SV2C: variants seen among roughly 807,000 people sequenced by gnomAD.
SV2C encodes solute carrier family 22 member B3.
SV2C carries 49 observed loss-of-function variants against 79.7 expected under a neutral mutation model. The ratio of observed to expected loss-of-function variants is 0.61; its 90% CI spans 0.49 to 0.78. SV2C has a LOEUF of 0.78. Ranked by LOEUF, SV2C falls within the 30% of genes least tolerant of loss-of-function variation. The pLI, the probability that SV2C is intolerant of heterozygous loss-of-function variation, is 0.00. For missense variants in SV2C, 833 were observed against 912.9 expected, an observed-to-expected ratio of 0.91 and a Z score of 1.13; for synonymous variants, 334 against 333.2, an observed-to-expected ratio of 1.00 and a Z score of -0.03.
the SV2C span, among the ~76,000 whole-genome samples, chr5:75,902,331 T>G: frequency 2.0e-5 from 3 of 152,164 alleles, no homozygotes. Context: ...ACATAGGAAA[T>G]CTTATGTCCC....
intron 1 of SV2C, among the ~76,000 whole-genome samples, chr5:76,092,244 C>T (rs1747401370): frequency 6.6e-6 from 1 of 152,100 alleles, no homozygotes. Flanking sequence ...CAACAATAAG[C>T]ACACATGACT....
At chr5:76,201,992 G>C (rs1311014857) in intron 3 of SV2C, among the ~76,000 whole-genome samples, 3 of 146,392 alleles carry the variant, frequency 2.0e-5, no homozygotes, top group African/African-American at 7.6e-5. Context: ...CTCCAGCCTG[G>C]GCGACAGAGC....
At chr5:75,922,932 A>G in the SV2C span, among the ~76,000 whole-genome samples, 2 of 152,156 alleles carry the variant, frequency 1.3e-5, no homozygotes, top group Non-Finnish European at 2.9e-5. Context: ...ACAACAGAAC[A>G]TATCAACTAA....
chr5:76,073,134 G>C, the SV2C span, among the ~76,000 whole-genome samples: 1 of 152,022 alleles, frequency 6.6e-6, no homozygotes, highest in South Asian at 2.1e-4. Context: ...TTGCATTTGT[G>C]CTCGGTTTCT....
chr5:75,939,092 C>T, the SV2C span, among the ~76,000 whole-genome samples: 1 of 152,158 alleles, frequency 6.6e-6, no homozygotes, highest in African/African-American at 2.4e-5. Context: ...TACTTCCAGA[C>T]CCTTCACCAT....
intron 1 of SV2C, among the ~76,000 whole-genome samples, chr5:76,111,726 C>T (rs39832): frequency 0.18 from 27,508 of 152,090 alleles, 3,126 homozygotes; most frequent in South Asian, 0.33. Context: ...ACTGAGAGGC[C>T]GTGGCATTTC....
At chr5:76,032,050 A>G in the SV2C span, among the ~76,000 whole-genome samples, 1 of 152,188 alleles carries the variant, frequency 6.6e-6, no homozygotes, top group Non-Finnish European at 1.5e-5. Context: ...ATTTGTTTCT[A>G]TTTTTGAAAG....
At chr5:76,212,053 T>C (rs1020881915) in intron 4 of SV2C, among the ~76,000 whole-genome samples, 1 of 152,106 alleles carries the variant, frequency 6.6e-6, no homozygotes, top group African/African-American at 2.4e-5. Flanking sequence ...GGTCCCCATA[T>C]CCACCATGAG....
chr5:75,971,370 A>G, the SV2C span, among the ~76,000 whole-genome samples: 1 of 152,100 alleles, frequency 6.6e-6, no homozygotes, highest in South Asian at 2.1e-4. Flanking sequence ...AATTAGGAAA[A>G]GAGGAAGTCA....
At chr5:76,336,847 T>C (rs1749339885), downstream of SV2C, among the ~76,000 whole-genome samples, 1 of 152,194 alleles carries the variant, frequency 6.6e-6, no homozygotes, top group Non-Finnish European at 1.5e-5. Context: ...CCCTAGTGTA[T>C]CAGGGATGAT....
intron 4 of SV2C, among the ~76,000 whole-genome samples, chr5:76,229,707 G>T (rs1745355534): frequency 6.6e-6 from 1 of 152,236 alleles, no homozygotes; most frequent in Admixed American, 6.5e-5. Context: ...CTTATCCCCT[G>T]GGGGGCTTGC....
At chr5:76,184,454 T>A (rs554281313) in intron 2 of SV2C, among the ~76,000 whole-genome samples, 2 of 152,376 alleles carry the variant, frequency 1.3e-5, no homozygotes, top group Non-Finnish European at 2.9e-5. Flanking sequence ...TTACCACTTG[T>A]ATTAGTCCGT....
chr5:76,352,999 T>C (rs1420603481), intron 12 of SV2C: 2 of 330,572 alleles, frequency 6.1e-6, no homozygotes, highest in South Asian at 2.3e-5. Context: ...TAGAGTGCAA[T>C]AGTGACATGA....
rs895668919 is a variant in SV2C at position 76,210,704 on chromosome 5, G to A, written c.913+817G>A. ...CCTCTCCCCTTCCTGGAGGATGGGG[G>A]TGGAGCTGAAAGCTCCAAGCTTATG... is the stretch of plus-strand genomic sequence containing the variant. On this transcript the variant is annotated intron_variant, in intron 4 of 12. Coordinates refer to ENST00000502798, the MANE Select transcript of SV2C (RefSeq NM_014979.4). Among the ~76,000 whole-genome samples, 4 of 152,294 alleles carry A rather than the reference G, an allele frequency of 2.6e-5. No homozygotes were observed. The East Asian group carries it at 5.8e-4, about 22-fold the overall frequency.
chr5:76,125,952 G>T (rs1443948155), intron 1 of SV2C, among the ~76,000 whole-genome samples: 2 of 152,186 alleles, frequency 1.3e-5, no homozygotes, highest in African/African-American at 4.8e-5. Flanking sequence ...AGCTACTTGG[G>T]AGGCTGAGGT....
intron 1 of SV2C, among the ~76,000 whole-genome samples, chr5:76,125,710 TAAAG>T (rs1450804087): frequency 1.3e-5 from 2 of 152,092 alleles, no homozygotes; most frequent in Non-Finnish European, 2.9e-5. Flanking sequence ...AACTGCCTGA[TAAAG>T]AAAGTGGAGG....
At chr5:76,062,932 A>G in the SV2C span, among the ~76,000 whole-genome samples, 1 of 152,166 alleles carries the variant, frequency 6.6e-6, no homozygotes, top group Non-Finnish European at 1.5e-5. Context: ...GCAGGCATTC[A>G]AATTTGCATG....
At chr5:76,009,991 G>GTTTTT in the SV2C span, among the ~76,000 whole-genome samples, 96 of 112,622 alleles carry the variant, frequency 8.5e-4, 1 homozygote, top group South Asian at 3.6e-3. Context: ...TATCTATTTT[G>GTTTTT]TTTTTTTTTT....
the SV2C span, among the ~76,000 whole-genome samples, chr5:76,066,296 T>A: frequency 6.6e-6 from 1 of 151,744 alleles, no homozygotes; most frequent in Non-Finnish European, 1.5e-5. Context: ...ATGTCCTTTG[T>A]AGGGACATGG....
Sources: allele counts gnomAD v4.1 joint callset (sites outside exome capture counted in the v4.1 genomes callset), GRCh38; gene constraint gnomAD v4.1.1; transcripts MANE v1.5; gene names NCBI Gene and HGNC (gene_info 2026-07-23, HGNC 2026-07-21).